EPB41: variants seen among roughly 807,000 people sequenced by gnomAD.
The protein encoded by EPB41 is erythrocyte membrane protein band 4.1, also known as protein 4.1.
EPB41 carries 65 observed loss-of-function variants against 108.0 expected under a neutral mutation model. The observed-to-expected ratio is 0.60, with a 90% CI of 0.49 to 0.74. EPB41 has a LOEUF of 0.74. Among genes scored for constraint, EPB41 ranks in the 30% least tolerant of loss-of-function variants. The pLI, the probability that EPB41 is intolerant of heterozygous loss-of-function variation, is 0.00. For missense variants in EPB41, 875 were observed against 1,037.0 expected, an observed-to-expected ratio of 0.84 and a Z score of 2.15; for synonymous variants, 336 against 358.9, an observed-to-expected ratio of 0.94 and a Z score of 0.72.
chr1:29,087,124 G>C (rs536937586), intron 16 of EPB41, among the ~76,000 whole-genome samples: 98 of 151,722 alleles, frequency 6.5e-4, no homozygotes, highest in Non-Finnish European at 1.0e-3. Flanking sequence ...TGGAGTTTTA[G>C]TAGAGACAGG....
In EPB41 at chr1:28,922,258, G is replaced by A. The variant is rs541058433; in HGVS notation, c.-8+7490G>A. On this transcript the variant is annotated intron_variant, in intron 1 of 20. Transcript: ENST00000343067. ...GCTCAGATCACAGGCATGAACCACC[G>A]CACCTGGCCTATAAAATTATATTTT... Among the ~76,000 whole-genome samples, 229 of 151,806 alleles carry A rather than the reference G, an allele frequency of 1.5e-3. 1 individual carries two copies. Among genetic ancestry groups the A allele is most frequent in the Non-Finnish European group, 3.0e-3 (202 of 67,966 alleles).
chr1:29,098,020 C>T (rs185426479), intron 17 of EPB41, 85 bp downstream of exon 17: 1 of 1,574,308 alleles, frequency 6.4e-7, no homozygotes, highest in Admixed American at 1.7e-5. Context: ...TCATTTATCG[C>T]CAAGAATACC....
intron 5 of EPB41, 113 bp from the exon 6 acceptor site, chr1:29,015,578 GA>G (rs11433402): frequency 0.04 from 23,044 of 577,396 alleles, no homozygotes; most frequent in Middle Eastern, 0.048. Context: ...CCGTCTCAAA[GA>G]AAAAAAAAAA....
At chr1:29,010,231 C>T (rs541499092) in intron 4 of EPB41, among the ~76,000 whole-genome samples, 2 of 152,120 alleles carry the variant, frequency 1.3e-5, no homozygotes, top group Admixed American at 6.5e-5. Flanking sequence ...CCCAGCTACT[C>T]GGGAGGCTGA....
chr1:28,955,134 T>C (rs905210620), intron 1 of EPB41, among the ~76,000 whole-genome samples: 8 of 152,202 alleles, frequency 5.3e-5, no homozygotes, highest in Admixed American at 4.6e-4. Flanking sequence ...AGGTTGACTA[T>C]TATTGTTACT....
rs144499540 is a variant in EPB41 at position 28,987,609 on chromosome 1, G to A, written c.172G>A (p.Gly58Arg). 1.1e-4 allele frequency: 171 copies of A among 1,614,190 alleles called. No individual in the cohort carries two copies. The African/African-American group carries it at 2.1e-3, about 19-fold the overall frequency. The change falls in exon 2 of 21, where the codon GGA becomes AGA. Residue 58 changes from glycine (G) to arginine (R), a missense_variant. Around this residue, in one of 3 missense-constraint regions of EPB41, gnomAD observed 353 missense variants for 393.2 expected, o/e 0.90. Coordinates refer to ENST00000343067, the MANE Select transcript of EPB41 (RefSeq NM_001376013.1). ...WCEQKLKASN[G>R]DTPTHEDLTK... is the part of the protein sequence containing the mutation. ...TGAACAGAAGCTGAAAGCTTCTAAT[G>A]GAGACACTCCTACACATGAAGACTT...
chr1:28,993,607 G>C, intron 3 of EPB41, 65 bp downstream of exon 3: 1 of 1,457,368 alleles, frequency 6.9e-7, no homozygotes, highest in Non-Finnish European at 9.6e-7. Context: ...AGTTGCGTAA[G>C]TGGTGATTTT....
At chr1:29,097,125 A>G (rs1663483905) in intron 16 of EPB41, 2 of 153,878 alleles carry the variant, frequency 1.3e-5, no homozygotes, top group African/African-American at 4.8e-5. Context: ...TGGCCACTTA[A>G]CCTTATTACA....
At chr1:29,002,609 A>C (rs1304739718) in intron 4 of EPB41, among the ~76,000 whole-genome samples, 1 of 152,218 alleles carries the variant, frequency 6.6e-6, no homozygotes, top group African/African-American at 2.4e-5. Context: ...AGGATGTACA[A>C]AAGAACAGTG....
At chr1:28,938,718 A>C (rs1441425540) in intron 1 of EPB41, among the ~76,000 whole-genome samples, 1 of 151,874 alleles carries the variant, frequency 6.6e-6, no homozygotes, top group African/African-American at 2.4e-5. Context: ...TTTTTCTGAG[A>C]GACTAGGTTT....
intron 16 of EPB41, among the ~76,000 whole-genome samples, chr1:29,086,285 T>C (rs1470482329): frequency 6.6e-6 from 1 of 151,076 alleles, no homozygotes; most frequent in Non-Finnish European, 1.5e-5. Flanking sequence ...CTTTTTTTTT[T>C]TTTTTTTGAG....
chr1:29,070,742 T>A (rs1051067734), intron 16 of EPB41: 10 of 1,200,948 alleles, frequency 8.3e-6, no homozygotes, highest in Non-Finnish European at 8.3e-6. Flanking sequence ...GCTCTTGTGA[T>A]CATTTTTCTG....
At chr1:28,896,008 G>C (rs745707046) in intron 1 of EPB41, among the ~76,000 whole-genome samples, 11 of 152,164 alleles carry the variant, frequency 7.2e-5, no homozygotes, top group African/African-American at 7.2e-5. Context: ...ACAGGAGAAG[G>C]CTGGACAGCT....
intron 1 of EPB41, among the ~76,000 whole-genome samples, chr1:28,952,861 G>A (rs1289266027): frequency 1.3e-5 from 2 of 151,954 alleles, no homozygotes; most frequent in African/African-American, 2.4e-5. Flanking sequence ...TGGAAACAAC[G>A]TGAGAGATTA....
At chr1:28,927,335 TG>T (rs2093502740) in intron 1 of EPB41, among the ~76,000 whole-genome samples, 2 of 152,236 alleles carry the variant, frequency 1.3e-5, no homozygotes, top group Non-Finnish European at 2.9e-5. Flanking sequence ...AGAGAACTGA[TG>T]AATTCACCCC....
intron 1 of EPB41, among the ~76,000 whole-genome samples, chr1:28,909,157 CAAAAA>C (rs35591255): frequency 8.1e-6 from 1 of 123,014 alleles, no homozygotes; most frequent in Non-Finnish European, 1.7e-5. Flanking sequence ...GACTCCGTCT[CAAAAA>C]AAAAAAAAAA....
chr1:28,892,277 ATAG>A (rs1265758447), intron 1 of EPB41, among the ~76,000 whole-genome samples: 1 of 152,056 alleles, frequency 6.6e-6, no homozygotes, highest in African/African-American at 2.4e-5. Context: ...CCCTGTAATG[ATAG>A]TAGCAAACGC....
chr1:28,967,429 G>C (rs539362047), intron 1 of EPB41, among the ~76,000 whole-genome samples: 2 of 152,232 alleles, frequency 1.3e-5, no homozygotes, highest in African/African-American at 4.8e-5. Flanking sequence ...AGAATGATGA[G>C]GAACTGGTAA....
At chr1:29,079,298 G>A (rs1655415407) in intron 16 of EPB41, among the ~76,000 whole-genome samples, 1 of 151,874 alleles carries the variant, frequency 6.6e-6, no homozygotes, top group Non-Finnish European at 1.5e-5. Flanking sequence ...CGCCCCGCCA[G>A]AAAAATGATT....
Sources: allele counts gnomAD v4.1 joint callset (sites outside exome capture counted in the v4.1 genomes callset), GRCh38; gene constraint gnomAD v4.1.1; regional missense constraint gnomAD v4.1.1; transcripts MANE v1.5; gene names NCBI Gene and HGNC (gene_info 2026-07-23, HGNC 2026-07-21).